IFTAP: variants seen among roughly 807,000 people sequenced by gnomAD.
IFTAP encodes intraflagellar transport-associated protein.
IFTAP carries 19 observed loss-of-function variants against 19.4 expected under a neutral mutation model. The observed-to-expected ratio is 0.98, with a 90% CI of 0.68 to 1.44. The LOEUF (loss-of-function observed/expected upper bound fraction) is 1.44. IFTAP is among the 40% of genes most tolerant of loss of function. The probability of loss-of-function intolerance (pLI) is 0.00; values close to 1 mark genes in which losing one functional copy is unlikely to be tolerated. For missense variants in IFTAP, 240 were observed against 253.6 expected (o/e 0.95, Z 0.36); for synonymous variants, 85 against 83.5 (o/e 1.02, Z -0.10).
chr11:36,606,020 C>T (rs548453039), intron 1 of IFTAP, among the ~76,000 whole-genome samples: 1 of 152,284 alleles, frequency 6.6e-6, no homozygotes, highest in African/African-American at 2.4e-5. Flanking sequence ...TCTGATAAGT[C>T]ATTATCTGTT....
chr11:36,656,764 C>A (rs929339886), intron 5 of IFTAP, among the ~76,000 whole-genome samples: 13 of 151,924 alleles, frequency 8.6e-5, no homozygotes, highest in African/African-American at 3.1e-4. Context: ...CCAGAATCTG[C>A]TATATAATAA....
In IFTAP at chr11:36,642,633, G is replaced by A. The variant is rs546918327; in HGVS notation, c.359-5383G>A. Among the ~76,000 whole-genome samples, 8 of 152,200 alleles carry A rather than the reference G, an allele frequency of 5.3e-5. No individual in the cohort carries two copies. In the South Asian group the frequency reaches 1.0e-3, roughly 20 times the overall value. On this transcript the variant is annotated intron_variant, in intron 4 of 5. Transcript: ENST00000334307. ...ATAAAATACTAGCAAACCAAATCCA[G>A]CAGCACATCAAAAAGCTTACCCACT... is the stretch of plus-strand genomic sequence containing the variant.
chr11:36,630,886 G>C (rs575276960), intron 2 of IFTAP, among the ~76,000 whole-genome samples: 2 of 151,336 alleles, frequency 1.3e-5, no homozygotes, highest in South Asian at 2.1e-4. Flanking sequence ...GCTTTCCTTT[G>C]AACATTGATG....
intron 5 of IFTAP, among the ~76,000 whole-genome samples, chr11:36,649,682 T>C (rs748709802): frequency 2.0e-5 from 3 of 152,116 alleles, no homozygotes; most frequent in Non-Finnish European, 4.4e-5. Context: ...ACCCCATATA[T>C]GGTGGTATAT....
chr11:36,627,897 G>T (rs1852575681), intron 2 of IFTAP, among the ~76,000 whole-genome samples: 1 of 151,298 alleles, frequency 6.6e-6, no homozygotes, highest in Non-Finnish European at 1.5e-5. Context: ...AGTACAGATT[G>T]CAGTGGAAAG....
At chr11:36,612,118 G>C (rs1033660419) in intron 2 of IFTAP, among the ~76,000 whole-genome samples, 2 of 151,930 alleles carry the variant, frequency 1.3e-5, no homozygotes, top group Non-Finnish European at 2.9e-5. Context: ...TTATGAAAAG[G>C]GGTCTTATTC....
intron 2 of IFTAP, among the ~76,000 whole-genome samples, chr11:36,621,617 T>C (rs1459709244): frequency 6.6e-6 from 1 of 152,016 alleles, no homozygotes; most frequent in Non-Finnish European, 1.5e-5. Flanking sequence ...ATCTGAGTGT[T>C]GAGTTTAGTC....
chr11:36,619,427 AT>A (rs113735211), intron 2 of IFTAP, among the ~76,000 whole-genome samples: 55 of 152,114 alleles, frequency 3.6e-4, no homozygotes, highest in African/African-American at 1.2e-3. Flanking sequence ...TGAAGAATGA[AT>A]TTAAAATCTG....
At chr11:36,626,079 G>A (rs1395755481) in intron 2 of IFTAP, among the ~76,000 whole-genome samples, 1 of 150,900 alleles carries the variant, frequency 6.6e-6, no homozygotes, top group African/African-American at 2.5e-5. Flanking sequence ...CAAGGGTTCT[G>A]GCCTTTGTTT....
chr11:36,612,085 AG>A (rs1437928538), intron 2 of IFTAP, among the ~76,000 whole-genome samples: 2 of 152,050 alleles, frequency 1.3e-5, no homozygotes, highest in Admixed American at 6.6e-5. Context: ...TGATATATTT[AG>A]GGGGTTATAA....
At chr11:36,637,695 G>T (rs899825219) in intron 4 of IFTAP, among the ~76,000 whole-genome samples, 1 of 152,224 alleles carries the variant, frequency 6.6e-6, no homozygotes. Flanking sequence ...AGGATAACAC[G>T]TGGAGACAAA....
At chr11:36,648,736 G>A (rs141068750) in intron 5 of IFTAP, among the ~76,000 whole-genome samples, 5 of 152,104 alleles carry the variant, frequency 3.3e-5, no homozygotes, top group African/African-American at 7.2e-5. Context: ...GGTCATCATC[G>A]TACCTGGAGG....
At chr11:36,611,337 T>C (rs1462208798) in intron 2 of IFTAP, among the ~76,000 whole-genome samples, 3 of 152,046 alleles carry the variant, frequency 2.0e-5, no homozygotes, top group Admixed American at 1.3e-4. Context: ...TTAGAATGTA[T>C]TGACATCAGA....
rs373835448 is a variant in IFTAP at position 36,648,000 on chromosome 11, G to A, written c.359-16G>A. The A allele has an allele frequency of 2.5e-6, 4 of 1,610,366 alleles. No homozygotes were observed. The highest frequency in any genetic ancestry group is 1.7e-6 in the Non-Finnish European group (2 of 1,177,922). On this transcript the variant is annotated splice_polypyrimidine_tract_variant and intron_variant, in intron 4 of 5. Coordinates refer to ENST00000334307, the MANE Select transcript of IFTAP (RefSeq NM_138787.4). Reference sequence around the variant, plus strand: ...ACTTTGCGAAAGGCTCAGTTGAAATGTTTTGTATCCAACAGATTTGCTGCT... The same window carrying A: ...ACTTTGCGAAAGGCTCAGTTGAAATATTTTGTATCCAACAGATTTGCTGCT...
At chr11:36,640,697 C>T (rs1853162203) in intron 4 of IFTAP, among the ~76,000 whole-genome samples, 1 of 152,160 alleles carries the variant, frequency 6.6e-6, no homozygotes, top group Non-Finnish European at 1.5e-5. Flanking sequence ...TTTTAGAGAA[C>T]TCGTATCTAG....
At chr11:36,626,959 G>C (rs1451402077) in intron 2 of IFTAP, among the ~76,000 whole-genome samples, 1 of 151,142 alleles carries the variant, frequency 6.6e-6, no homozygotes, top group South Asian at 2.1e-4. Flanking sequence ...TTATCAACTG[G>C]TGAATGGAAA....
In IFTAP at chr11:36,650,057, C is replaced by G. The variant is rs557918536; in HGVS notation, c.498+1902C>G. 6.9e-4 allele frequency among the ~76,000 whole-genome samples: 105 copies of G among 152,250 alleles called. 1 individual carries two copies. The highest frequency in any genetic ancestry group is 2.4e-3 in the African/African-American group (99 of 41,566). ...CCCTTCCAAAATCTGAAATCCAAAACACTTCATCCCAAGCATTTTGGAGAA... is the reference window on the plus strand; with the variant it reads ...CCCTTCCAAAATCTGAAATCCAAAAGACTTCATCCCAAGCATTTTGGAGAA... On this transcript the variant is annotated intron_variant, in intron 5 of 5. Coordinates refer to ENST00000334307, the MANE Select transcript of IFTAP (RefSeq NM_138787.4).
chr11:36,643,694 T>C (rs564147551), intron 4 of IFTAP, among the ~76,000 whole-genome samples: 3 of 152,116 alleles, frequency 2.0e-5, no homozygotes, highest in Middle Eastern at 3.4e-3. Context: ...AATAATACCA[T>C]GCATCTACAA....
In IFTAP at chr11:36,659,155, C is replaced by T. The variant is rs996000601; in HGVS notation, c.635C>T (p.Thr212Ile). 10 of 1,598,970 alleles carry T rather than the reference C, an allele frequency of 6.3e-6. No homozygotes were observed. Among genetic ancestry groups the T allele is most frequent in the East Asian group, 2.3e-5 (1 of 44,370 alleles). ...TGCAAGCAGCAGAAGAGAAAGGACA[C>T]CAGCCCAGACTTAGAGAAATCCTGT... The part of the protein sequence containing the change: ...ELCKQQKRKD[T>I]SPDLEKSCD The change falls in exon 6 of 6, where the codon ACC becomes ATC. Residue 212 changes from threonine to isoleucine, a missense_variant. Transcript: ENST00000334307.
Sources: allele counts gnomAD v4.1 joint callset (sites outside exome capture counted in the v4.1 genomes callset), GRCh38; gene constraint gnomAD v4.1.1; transcripts MANE v1.5; gene names NCBI Gene and HGNC (gene_info 2026-07-23, HGNC 2026-07-21).